The following ABCC6 variants were observed in gnomAD, a reference collection of about 807,000 sequenced individuals.
The protein encoded by ABCC6 is ATP binding cassette subfamily C member 6.
Under a neutral mutation model 169.5 loss-of-function variants are expected in ABCC6, and 126 were observed. That is an observed-to-expected ratio of 0.74 (90% CI 0.64 to 0.86). ABCC6 has a LOEUF of 0.86. ABCC6 is among the 40% of genes least tolerant of loss of function. The probability of loss-of-function intolerance (pLI) is 0.00; values close to 1 mark genes in which losing one functional copy is unlikely to be tolerated. For missense variants in ABCC6, 1,733 were observed against 1,927.2 expected (o/e 0.90, Z 1.89); for synonymous variants, 752 against 814.7 (o/e 0.92, Z 1.31).
At chr16:16,157,196 C>A (rs1472357997) in intron 27 of ABCC6, among the ~76,000 whole-genome samples, 1 of 152,084 alleles carries the variant, frequency 6.6e-6, no homozygotes, top group Non-Finnish European at 1.5e-5. Context: ...GGAGCACTTT[C>A]TATGAGCTAA....
At chr16:16,186,912 G>A (rs150447658) in intron 14 of ABCC6, among the ~76,000 whole-genome samples, 96 of 152,148 alleles carry the variant, frequency 6.3e-4, no homozygotes, top group African/African-American at 2.0e-3. Flanking sequence ...CAAAGTGGGC[G>A]CTCAGTGAGT....
At chr16:16,209,560 A>G (rs764192803) in intron 6 of ABCC6, among the ~76,000 whole-genome samples, 1 of 151,666 alleles carries the variant, frequency 6.6e-6, no homozygotes, top group Non-Finnish European at 1.5e-5. Flanking sequence ...CAAAACTATC[A>G]TTGTAGAAGA....
At chr16:16,208,600 C>T (rs1434419050) in intron 7 of ABCC6, 128 bp downstream of exon 7, 1 of 1,486,312 alleles carries the variant, frequency 6.7e-7, no homozygotes, top group Admixed American at 1.7e-5. Context: ...TCTTGAACTC[C>T]TGACCTTGTG....
intron 8 of ABCC6, among the ~76,000 whole-genome samples, chr16:16,202,822 A>G (rs1490885698): frequency 1.3e-5 from 2 of 152,208 alleles, no homozygotes; most frequent in African/African-American, 4.8e-5. Flanking sequence ...AGCAGACACC[A>G]CTTGAATCTG....
At chr16:16,200,855 G>A (rs1259629844) in intron 9 of ABCC6, among the ~76,000 whole-genome samples, 1 of 151,110 alleles carries the variant, frequency 6.6e-6, no homozygotes, top group Non-Finnish European at 1.5e-5. Flanking sequence ...AGAGTCCCAG[G>A]AACGGACAAG....
intron 30 of ABCC6, 107 bp downstream of exon 30, chr16:16,150,471 G>T: frequency 2.0e-6 from 3 of 1,509,508 alleles, no homozygotes; most frequent in African/African-American, 1.4e-5. Context: ...GCCCCATTCA[G>T]GACCCCTCCA....
intron 2 of ABCC6, among the ~76,000 whole-genome samples, chr16:16,220,613 C>T (rs1418054497): frequency 2.6e-5 from 4 of 152,026 alleles, no homozygotes; most frequent in Admixed American, 6.6e-5. Flanking sequence ...GAAACGCAGT[C>T]GGCCGGGGGT....
At chr16:16,193,833 C>T (rs1056504892) in intron 10 of ABCC6, among the ~76,000 whole-genome samples, 2 of 152,234 alleles carry the variant, frequency 1.3e-5, no homozygotes, top group African/African-American at 2.4e-5. Context: ...TGTAACACAG[C>T]TGCAGACCCC....
rs1012335098 is a variant in ABCC6, at chr16:16,198,188, G to A, written c.1177-6C>T. The A allele has an allele frequency of 8.2e-6, 13 of 1,585,834 alleles. No individual in the cohort carries two copies. The highest frequency in any genetic ancestry group is 2.7e-5 in the African/African-American group (2 of 74,436). ...CCGCTGGACAGAGCCAGGACCTGGC[G>A]GGTGGGCAGAAGGAGAGAAGTAAAG... On this transcript the variant is annotated splice_polypyrimidine_tract_variant and splice_region_variant and intron_variant, in intron 9 of 30. Coordinates refer to ENST00000205557, the MANE Select transcript of ABCC6 (RefSeq NM_001171.6).
chr16:16,170,110 A>C (rs1408192803), intron 21 of ABCC6, among the ~76,000 whole-genome samples: 1 of 49,008 alleles, frequency 2.0e-5, no homozygotes, highest in East Asian at 5.6e-4. Context: ...TTTTTTTTTG[A>C]GGACAGGGTC....
intron 11 of ABCC6, among the ~76,000 whole-genome samples, chr16:16,191,616 TCTTTC>T (rs1045451697): frequency 6.9e-6 from 1 of 145,264 alleles, no homozygotes; most frequent in Non-Finnish European, 1.5e-5. Context: ...CCTTTCTTCC[TCTTTC>T]CTTTGCTTTC....
At chr16:16,206,674 A>C (rs561869778) in intron 7 of ABCC6, among the ~76,000 whole-genome samples, 77 of 151,850 alleles carry the variant, frequency 5.1e-4, no homozygotes, top group Middle Eastern at 3.4e-3. Flanking sequence ...TCTTTCTGTC[A>C]ACTGTTTATG....
At chr16:16,182,386 T>TC (rs1314444390) in intron 17 of ABCC6, 26 bp downstream of exon 17, 1 of 1,612,800 alleles carries the variant, frequency 6.2e-7, no homozygotes, top group Non-Finnish European at 8.5e-7. Flanking sequence ...TGTCTCCCTG[T>TC]CCCAAAAAGA....
chr16:16,204,805 G>A (rs867178281), intron 7 of ABCC6, among the ~76,000 whole-genome samples: 1 of 151,804 alleles, frequency 6.6e-6, no homozygotes, highest in South Asian at 2.1e-4. Context: ...CAACCTATAA[G>A]GTTATCAGTA....
At chr16:16,170,096 T>TTC (rs759242506) in intron 21 of ABCC6, among the ~76,000 whole-genome samples, 203 of 5,176 alleles carry the variant, frequency 0.039, 1 homozygote, top group Admixed American at 0.075. Flanking sequence ...ATTTTTTCTT[T>TTC]TGTTTTTTTT....
intron 23 of ABCC6, among the ~76,000 whole-genome samples, chr16:16,164,007 A>G (rs1054407105): frequency 6.6e-6 from 1 of 151,934 alleles, no homozygotes. Context: ...ACCTAGGACA[A>G]TTGTCGGGGA....
chr16:16,150,336 C>A, intron 30 of ABCC6, 95 bp from the exon 31 acceptor site: 1 of 1,579,856 alleles, frequency 6.3e-7, no homozygotes, highest in East Asian at 2.3e-5. Flanking sequence ...AGGTTTTCTC[C>A]ATAGAAGTCC....
At chr16:16,167,091 T>C (rs1409482490) in intron 22 of ABCC6, among the ~76,000 whole-genome samples, 1 of 152,198 alleles carries the variant, frequency 6.6e-6, no homozygotes, top group Non-Finnish European at 1.5e-5. Flanking sequence ...CTCCCAGTGC[T>C]AATCTGTATG....
chr16:16,197,790 G>A (rs2048098971), intron 10 of ABCC6, among the ~76,000 whole-genome samples: 1 of 151,510 alleles, frequency 6.6e-6, no homozygotes, highest in Non-Finnish European at 1.5e-5. Context: ...ACCAGGAATG[G>A]AATCCAGGGT....
Sources: allele counts gnomAD v4.1 joint callset (sites outside exome capture counted in the v4.1 genomes callset), GRCh38; gene constraint gnomAD v4.1.1; transcripts MANE v1.5; gene names NCBI Gene and HGNC (gene_info 2026-07-23, HGNC 2026-07-21).